VPS4A: variants seen among roughly 807,000 people sequenced by gnomAD.
VPS4A encodes the protein vacuolar protein sorting 4 homolog A.
A neutral mutation model predicts 52.3 loss-of-function variants in VPS4A; 20 were observed. That is an observed-to-expected ratio of 0.38 (90% CI 0.27 to 0.56). VPS4A has a LOEUF of 0.56. VPS4A is among the 20% of genes least tolerant of loss of function. The pLI is 0.72. For missense variants in VPS4A, 419 were observed against 575.9 expected (o/e 0.73, Z 2.79); for synonymous variants, 293 against 227.7 (o/e 1.29, Z -2.58).
Position 69,322,585 on chromosome 16 carries a change from C to T in VPS4A, c.1097C>T (p.Pro366Leu). Reference sequence around the variant, plus strand: ...GTCTGTGGCCCCTCTCGCACCAACCCCAGCATGATGATTGATGACCTCCTG... The same window carrying T: ...GTCTGTGGCCCCTCTCGCACCAACCTCAGCATGATGATTGATGACCTCCTG... ...KKVCGPSRTN[P>L]SMMIDDLLTP... is the part of the protein sequence containing the mutation. The change falls in exon 10 of 11, where the codon CCC becomes CTC. Residue 366 changes from proline (P) to leucine (L), a missense_variant. By Grantham distance (98) the Pro-to-Leu change is moderately conservative. Transcript: ENST00000254950. 1 of 1,613,686 alleles carries T rather than the reference C, an allele frequency of 6.2e-7. No homozygotes were observed.
Position 69,318,807 on chromosome 16 carries a change from G to C in VPS4A, c.344-16G>C. On this transcript the variant is annotated splice_polypyrimidine_tract_variant and intron_variant, in intron 4 of 10. Coordinates refer to ENST00000254950, the MANE Select transcript of VPS4A (RefSeq NM_013245.3). ...CCTTGGCCGGGCCCGGGCCCGGGCCGGCCTCCCTCTCGCAGGTGCCGTCGT... is the reference window on the plus strand; with the variant it reads ...CCTTGGCCGGGCCCGGGCCCGGGCCCGCCTCCCTCTCGCAGGTGCCGTCGT... 1 of 1,611,788 alleles carries C rather than the reference G, an allele frequency of 6.2e-7. No individual in the cohort carries two copies. The highest frequency in any genetic ancestry group is 8.5e-7 in the Non-Finnish European group (1 of 1,179,046).
At chr16:69,311,950 C>G (rs1010183946) in intron 1 of VPS4A, among the ~76,000 whole-genome samples, 2 of 152,354 alleles carry the variant, frequency 1.3e-5, no homozygotes. Flanking sequence ...GACCTCACTT[C>G]GAACAAGCCC....
At position 69,317,148 on chromosome 16, in the gene VPS4A, G is replaced by C. The variant is rs200437814; in HGVS notation, c.281+776G>C. Among the ~76,000 whole-genome samples, 11 of 152,318 alleles carry C rather than the reference G, an allele frequency of 7.2e-5. No homozygotes were observed. In the East Asian group the frequency reaches 2.1e-3, roughly 29 times the overall value. The stretch of plus-strand genomic sequence containing the variant: ...CACGTTCCCATCCGCAGAGGGAGAG[G>C]TCTGGCGAGGCAGGGGTGGAGGCCA... On this transcript the variant is annotated intron_variant, in intron 3 of 10. Coordinates refer to ENST00000254950, the MANE Select transcript of VPS4A (RefSeq NM_013245.3).
In VPS4A at chr16:69,321,371, T is replaced by G; in HGVS notation, c.1071+101T>G. ...TGGTCCTGCTCCCCGGCTGCTCAGG[T>G]GACACAGTCTCTGAGGCCTCCTGGA... On this transcript the variant is annotated intron_variant, in intron 9 of 10. Coordinates refer to ENST00000254950, the MANE Select transcript of VPS4A (RefSeq NM_013245.3). The surrounding 1 kb of genome is among the most constrained non-coding windows in gnomAD (Gnocchi z 4.5). The G allele has an allele frequency of 7.5e-7, 1 of 1,326,816 alleles. No homozygotes were observed. The highest frequency in any genetic ancestry group is 2.1e-5 in the Admixed American group (1 of 47,904). The allele number at this position is 1,326,816 out of a possible 1,614,324, so 82.2% of individuals were successfully genotyped here.
chr16:69,315,255 C>A (rs1965422201), intron 1 of VPS4A, among the ~76,000 whole-genome samples: 1 of 152,208 alleles, frequency 6.6e-6, no homozygotes, highest in African/African-American at 2.4e-5. Flanking sequence ...GCCTAAGGCA[C>A]TGGCCTACAG....
Position 69,324,316 on chromosome 16 carries a change from C to T in VPS4A, c.*7C>T, listed in dbSNP as rs774386992. The T allele has an allele frequency of 4.3e-6, 7 of 1,613,022 alleles. No homozygotes were observed. Among genetic ancestry groups the T allele is most frequent in the Middle Eastern group, 1.7e-4 (1 of 6,060 alleles). ...CTTTGGGCAAGAGAGTTAAAAGCTG[C>T]TTCACTTGGGCAATGGTGAAGGTGG... On this transcript the variant is annotated 3_prime_UTR_variant, in exon 11 of 11. Coordinates refer to ENST00000254950, the MANE Select transcript of VPS4A (RefSeq NM_013245.3).
In VPS4A at chr16:69,323,250, G is replaced by A. The variant is rs534257442; in HGVS notation, c.1212+550G>A. The A allele has an allele frequency of 1.5e-3, 258 of 177,786 alleles. 1 individual carries two copies. Among genetic ancestry groups the A allele is most frequent in the Admixed American group, 3.5e-3 (61 of 17,382 alleles). The allele number at this position is 177,786 out of a possible 1,614,324, so 11.0% of individuals were successfully genotyped here. A position where few individuals can be genotyped will look rare whatever the true frequency, so the allele number is the denominator to read the frequency against. On this transcript the variant is annotated intron_variant, in intron 10 of 10. Transcript: ENST00000254950. Reference sequence around the variant, plus strand: ...TAGCTCACTGCAGGCTTGACCTCACGAGCTCACACAATCTTCTGACCTCAG... The same window carrying A: ...TAGCTCACTGCAGGCTTGACCTCACAAGCTCACACAATCTTCTGACCTCAG...
At chr16:69,315,402 G>A (rs1171639628) in intron 1 of VPS4A, among the ~76,000 whole-genome samples, 13 of 152,360 alleles carry the variant, frequency 8.5e-5, no homozygotes, top group South Asian at 2.1e-4. Flanking sequence ...GGAGCATTGT[G>A]TGTAAGCGTC....
At position 69,322,230 on chromosome 16, in the gene VPS4A, G is replaced by A. The variant is rs200133522; in HGVS notation, c.1072-330G>A. 8.0e-5 allele frequency: 15 copies of A among 187,044 alleles called. No homozygotes were observed. In the East Asian group the frequency reaches 1.6e-3, roughly 20 times the overall value. The allele number at this position is 187,044 out of a possible 1,614,324, so 11.6% of individuals were successfully genotyped here. ...TCCCCCTGGGTCCCTCCCACAACAT[G>A]TGGGAATTCTGGGAGATAGATACAG... On this transcript the variant is annotated intron_variant, in intron 9 of 10. Coordinates refer to ENST00000254950, the MANE Select transcript of VPS4A (RefSeq NM_013245.3).
intron 10 of VPS4A, chr16:69,323,649 T>C (rs1430266572): frequency 4.4e-6 from 2 of 455,716 alleles, no homozygotes; most frequent in Middle Eastern, 3.2e-4. Context: ...GTTGGGGGTG[T>C]GCAGCTAAGA....
Position 69,322,629 on chromosome 16 carries a change from G to T in VPS4A, c.1141G>T (p.Asp381Tyr), listed in dbSNP as rs1314159891. ...DDLLTPCSPGDPGAMEMTWMD... is the reference protein window; with the variant it reads ...DDLLTPCSPGYPGAMEMTWMD... The stretch of plus-strand genomic sequence containing the variant: ...CCTCCTGACTCCATGCTCACCAGGG[G>T]ACCCAGGAGCCATGGAGATGACTTG... Residue 381 changes from aspartate to tyrosine, a missense_variant, in exon 10 of 11, where the codon GAC becomes TAC. Asp to Tyr is a radical substitution (Grantham distance 160). This residue lies in a region of VPS4A where 185 missense variants were observed against 200.2 expected (regional missense o/e 0.92). Transcript: ENST00000254950. The T allele has an allele frequency of 6.2e-7, 1 of 1,613,910 alleles. No homozygotes were observed. Among genetic ancestry groups the T allele is most frequent in the Admixed American group, 1.7e-5 (1 of 60,020 alleles).
At chr16:69,311,933 G>A (rs1965382544) in intron 1 of VPS4A, among the ~76,000 whole-genome samples, 1 of 151,466 alleles carries the variant, frequency 6.6e-6, no homozygotes, top group Non-Finnish European at 1.5e-5. Context: ...GGTCCTGGAA[G>A]TCCCTCGACC....
chr16:69,314,299 C>G (rs1965410768), intron 1 of VPS4A, among the ~76,000 whole-genome samples: 1 of 151,972 alleles, frequency 6.6e-6, no homozygotes, highest in African/African-American at 2.4e-5. Context: ...ACTAGAATTT[C>G]CAAAAGGAGG....
intron 3 of VPS4A, among the ~76,000 whole-genome samples, chr16:69,316,673 C>A (rs1965441312): frequency 6.6e-6 from 1 of 152,230 alleles, no homozygotes; most frequent in Non-Finnish European, 1.5e-5. Context: ...TGCCTACCAT[C>A]TCCACATCTT....
chr16:69,319,637 T>G, intron 6 of VPS4A, 94 bp downstream of exon 6: 1 of 1,486,344 alleles, frequency 6.7e-7, no homozygotes, highest in African/African-American at 1.4e-5. Context: ...AGAGGAGTGG[T>G]TTGGTTTTCA....
At position 69,321,774 on chromosome 16, in the gene VPS4A, C is replaced by T. The variant is rs896941561; in HGVS notation, c.1071+504C>T. 1.7e-5 allele frequency: 3 copies of T among 178,036 alleles called. No homozygotes were observed. The highest frequency in any genetic ancestry group is 4.8e-5 in the African/African-American group (2 of 41,966). The allele number at this position is 178,036 out of a possible 1,614,324, so 11.0% of individuals were successfully genotyped here. On this transcript the variant is annotated intron_variant, in intron 9 of 10. Transcript: ENST00000254950. This position sits in a 1 kb window ranked among gnomAD's most constrained non-coding sequence, Gnocchi z 4.5. ...CAGTCAACACAGTCAGTGAGTGTCT[C>T]AGAGGATGGAGATGGAGCAGGGTTA...
rs750537525 is a variant in VPS4A, at chr16:69,318,945, G to A, written c.463+3G>A. 11 of 1,612,500 alleles carry A rather than the reference G, an allele frequency of 6.8e-6. No homozygotes were observed. In the African/African-American group the frequency reaches 8.0e-5, roughly 12 times the overall value. ...CAAATTCCCACACTTGTTCACAGGT[G>A]AGAGTTGAGCCATTTCAAACCCCAA... On this transcript the variant is annotated splice_donor_region_variant and intron_variant, in intron 5 of 10. Transcript: ENST00000254950.
rs370980254 is a variant in VPS4A, at chr16:69,320,704, T to C, written c.786T>C (p.Asn262=). Residue 262 remains asparagine (N), a synonymous_variant, in exon 8 of 11, where the codon AAT becomes AAC. Transcript: ENST00000254950. The surrounding 1 kb of genome is among the most constrained non-coding windows in gnomAD (Gnocchi z 4.2). ...LVQMQGVGNN[N]DGTLVLGATN... is the part of the protein sequence containing the mutation. ...TCTCCACAGGGGTGGGGAATAACAA[T>C]GATGGGACTCTGGTTCTTGGAGCCA... 2.1e-4 allele frequency: 337 copies of C among 1,606,752 alleles called. 3 individuals carry two copies. In the African/African-American group the frequency reaches 3.7e-3, roughly 17 times the overall value.
chr16:69,316,441 A>G (rs1344455402), intron 3 of VPS4A, 69 bp downstream of exon 3: 7 of 1,581,756 alleles, frequency 4.4e-6, no homozygotes, highest in Admixed American at 3.5e-5. Context: ...CCTGGCGCTC[A>G]TGCTGCCTTG....
Sources: gnomAD v4.1 joint callset for allele counts (sites outside exome capture counted in the v4.1 genomes callset) on GRCh38, gnomAD v4.1.1 for gene constraint, gnomAD v4.1.1 regional missense constraint, Gnocchi (gnomAD v3.1) non-coding constraint, MANE v1.5 for transcripts, NCBI Gene and HGNC (gene_info 2026-07-23, HGNC 2026-07-21) for gene names.